CES5A: variants seen among roughly 807,000 people sequenced by gnomAD.
CES5A encodes carboxylesterase 5.
In CES5A, 67 loss-of-function variants were observed where a neutral mutation model predicts 62.9. That is an observed-to-expected ratio of 1.07 (90% confidence interval 0.88 to 1.31). The LOEUF is 1.31. Ranked by LOEUF, CES5A falls within the 50% of genes most tolerant of loss-of-function variation. CES5A has a pLI of 0.00. For missense variants in CES5A, 748 were observed against 708.5 expected (o/e 1.06, Z -0.63); for synonymous variants, 296 against 280.8 (o/e 1.05, Z -0.54).
At chr16:55,865,849 G>A in intron 5 of CES5A, 114 bp downstream of exon 5, 2 of 1,164,916 alleles carry the variant, frequency 1.7e-6, no homozygotes, top group East Asian at 4.7e-5. Flanking sequence ...AAAAGACAAT[G>A]TGTATTAAAG....
chr16:55,849,759 C>T lies in CES5A; in HGVS notation c.1288G>A (p.Val430Ile). 6.2e-7 allele frequency: 1 copy of T among 1,613,902 alleles called. No homozygotes were observed. Among genetic ancestry groups the T allele is most frequent in the Non-Finnish European group, 8.5e-7 (1 of 1,179,864 alleles). ...CGGTGCCGAAACTCATAGAAGTAGA[C>T]AGGTGCACCAGCATCTGACAAAAGG... ...ARYHRDAGAP[V>I]YFYEFRHRPQ... Residue 430 changes from valine (V) to isoleucine (I), a missense_variant, in exon 11 of 13, where the codon GTC becomes ATC. By Grantham distance (29) the Val-to-Ile change is conservative. Transcript: ENST00000290567.
chr16:55,937,755 T>C (rs910373825), intron 2 of CES5A, among the ~76,000 whole-genome samples: 2 of 152,204 alleles, frequency 1.3e-5, no homozygotes, highest in African/African-American at 4.8e-5. Flanking sequence ...AATTCTTCTC[T>C]TTATGTTAAT....
At chr16:55,942,131 T>A (rs1241840580) in intron 2 of CES5A, among the ~76,000 whole-genome samples, 1 of 152,126 alleles carries the variant, frequency 6.6e-6, no homozygotes, top group Non-Finnish European at 1.5e-5. Context: ...GCTTCTAGAA[T>A]AAAACACAAA....
At chr16:55,938,936 T>C (rs543672829) in intron 2 of CES5A, among the ~76,000 whole-genome samples, 1 of 150,862 alleles carries the variant, frequency 6.6e-6, no homozygotes, top group South Asian at 2.1e-4. Context: ...TGGGGGGTTG[T>C]TGTTAATTTG....
At position 55,932,968 on chromosome 16, in the gene CES5A, G is replaced by A. The variant is rs1364306217; in HGVS notation, c.160+16817C>T. On this transcript the variant is annotated intron_variant, in intron 2 of 13. Coordinates refer to the CES5A transcript ENST00000521992. ...GATGGAAGTTCAGACTAGGGTAGCAGGAGGGAGAAGAAAAATTGTGTGAAG... is the reference window on the plus strand; with the variant it reads ...GATGGAAGTTCAGACTAGGGTAGCAAGAGGGAGAAGAAAAATTGTGTGAAG... 2.6e-5 allele frequency among the ~76,000 whole-genome samples: 4 copies of A among 152,350 alleles called. 1 individual carries two copies. The South Asian group carries it at 8.3e-4, about 32-fold the overall frequency.
At chr16:55,933,557 G>A (rs1258010070) in intron 2 of CES5A, among the ~76,000 whole-genome samples, 1 of 152,042 alleles carries the variant, frequency 6.6e-6, no homozygotes, top group Non-Finnish European at 1.5e-5. Context: ...CCATGTTTCT[G>A]GTTTCTCAGT....
Position 55,859,829 on chromosome 16 carries a change from A to C in CES5A, c.916-142T>G, listed in dbSNP as rs1265921824. On this transcript the variant is annotated intron_variant, in intron 7 of 12. Transcript: ENST00000290567. ...CACTTAAAAAGTAAAAACAAACACT[A>C]TGGGCCCAGCTCAATATATCAGTCC... 7 of 680,328 alleles carry C rather than the reference A, an allele frequency of 1.0e-5. No individual in the cohort carries two copies. In the East Asian group the frequency reaches 1.7e-4, roughly 16 times the overall value. The allele number at this position is 680,328 out of a possible 1,614,324, so 42.1% of individuals were successfully genotyped here.
chr16:55,867,739 C>G (rs115693691), intron 4 of CES5A, among the ~76,000 whole-genome samples: 17 of 152,212 alleles, frequency 1.1e-4, no homozygotes, highest in Admixed American at 6.5e-5. Context: ...ATCTGGGTGA[C>G]CTTGGGCAAA....
At chr16:55,888,761 T>A (rs1259231604) in intron 1 of CES5A, among the ~76,000 whole-genome samples, 2 of 152,218 alleles carry the variant, frequency 1.3e-5, no homozygotes, top group African/African-American at 2.4e-5. Flanking sequence ...CTATTGTTAT[T>A]CTAATTATAG....
At chr16:55,939,475 A>G (rs765763789) in intron 2 of CES5A, among the ~76,000 whole-genome samples, 3 of 152,206 alleles carry the variant, frequency 2.0e-5, no homozygotes, top group Non-Finnish European at 4.4e-5. Context: ...TCAAAGTTCT[A>G]TTGAAGTTAT....
intron 1 of CES5A, among the ~76,000 whole-genome samples, chr16:55,903,495 G>A (rs1434126463): frequency 3.3e-5 from 5 of 152,316 alleles, no homozygotes; most frequent in Admixed American, 1.3e-4. Flanking sequence ...AGGAGACCTA[G>A]GCAAGTCACA....
intron 1 of CES5A, among the ~76,000 whole-genome samples, chr16:55,907,168 G>T (rs1481821383): frequency 2.0e-5 from 3 of 152,190 alleles, no homozygotes; most frequent in Non-Finnish European, 4.4e-5. Context: ...AGAGCTTCAG[G>T]TGCTATGGGA....
At chr16:55,926,259 A>T (rs2034256603), upstream of CES5A, among the ~76,000 whole-genome samples, 1 of 152,222 alleles carries the variant, frequency 6.6e-6, no homozygotes, top group African/African-American at 2.4e-5. Flanking sequence ...TTATGTATAA[A>T]TTTTTAAAAA....
intron 3 of CES5A, 45 bp from the exon 4 acceptor site, chr16:55,869,789 C>T (rs1362990929): frequency 3.9e-6 from 6 of 1,557,832 alleles, no homozygotes; most frequent in South Asian, 1.2e-5. Context: ...CAGGCACCAC[C>T]TCCCCTCCCC....
At chr16:55,911,883 C>G (rs1213834083) in intron 1 of CES5A, among the ~76,000 whole-genome samples, 1 of 152,198 alleles carries the variant, frequency 6.6e-6, no homozygotes, top group Non-Finnish European at 1.5e-5. Context: ...CAGACCCAGA[C>G]CAGTGCCTAT....
chr16:55,875,443 T>C (rs2033678833), upstream of CES5A: 30 of 1,149,040 alleles, frequency 2.6e-5, no homozygotes, highest in South Asian at 6.2e-4. Flanking sequence ...GATTAACTAT[T>C]GAGCTGGGGA....
chr16:55,862,518 T>C (rs1196872202), intron 6 of CES5A, among the ~76,000 whole-genome samples: 1 of 152,202 alleles, frequency 6.6e-6, no homozygotes, highest in Non-Finnish European at 1.5e-5. Context: ...GTGATGTGTG[T>C]CAAATGAATA....
At position 55,861,515 on chromosome 16, in the gene CES5A, A is replaced by G. The variant is rs1432659212; in HGVS notation, c.812T>C (p.Leu271Pro). Residue 271 changes from leucine to proline, a missense_variant and splice_region_variant, in exon 7 of 13, where the codon CTG becomes CCG. Transcript: ENST00000290567. ...EAHDYEKSED[L>P]QVVAHFCGNN... ...ACCACAGAAATGTGCAACCACCTGC[A>G]GCTATTTTGTAGAGAAGGACCGGGT... 1.9e-5 allele frequency: 30 copies of G among 1,607,922 alleles called. 1 individual carries two copies. Among genetic ancestry groups the G allele is most frequent in the Non-Finnish European group, 2.5e-5 (29 of 1,174,514 alleles).
At chr16:55,863,305 A>T (rs754743998) in intron 6 of CES5A, 43 bp downstream of exon 6, 24 of 1,035,806 alleles carry the variant, frequency 2.3e-5, no homozygotes, top group Non-Finnish European at 3.4e-5. Flanking sequence ...ATTCTCTGCT[A>T]ACTGAGGAGA....
Sources: allele counts gnomAD v4.1 joint callset (sites outside exome capture counted in the v4.1 genomes callset), GRCh38; gene constraint gnomAD v4.1.1; transcripts MANE v1.5; gene names NCBI Gene and HGNC (gene_info 2026-07-23, HGNC 2026-07-21).